NDUFA5: variants seen among roughly 807,000 people sequenced by gnomAD.
NDUFA5 encodes NADH dehydrogenase [ubiquinone] 1 alpha subcomplex subunit 5.
In NDUFA5, 11 loss-of-function variants were observed where a neutral mutation model predicts 19.8. The observed-to-expected ratio is 0.56, with a 90% CI of 0.35 to 0.92. NDUFA5 has a LOEUF of 0.92. Ranked by LOEUF, NDUFA5 falls within the 40% of genes least tolerant of loss-of-function variation. The pLI, the probability that NDUFA5 is intolerant of heterozygous loss-of-function variation, is 0.01. For missense variants in NDUFA5, 109 were observed against 134.2 expected (o/e 0.81, Z 0.93); for synonymous variants, 47 against 46.8 (o/e 1.00, Z -0.01).
the NDUFA5 span, among the ~76,000 whole-genome samples, chr7:123,588,515 A>T: frequency 1.4e-5 from 2 of 147,204 alleles, no homozygotes; most frequent in East Asian, 2.0e-4. Flanking sequence ...TTTTGCTCTG[A>T]TTTTCCTTTC....
At chr7:123,555,995 G>A (rs990672077) in intron 2 of NDUFA5, 1 of 152,232 alleles carries the variant, frequency 6.6e-6, no homozygotes, top group African/African-American at 2.4e-5. Flanking sequence ...ATCCACATCA[G>A]TGATGATGGT....
At chr7:123,572,007 C>G in the NDUFA5 span, among the ~76,000 whole-genome samples, 1 of 151,772 alleles carries the variant, frequency 6.6e-6, no homozygotes, top group African/African-American at 2.4e-5. Context: ...AGGCTAGTCT[C>G]AAATTCCTGG....
At chr7:123,546,961 C>T in intron 3 of NDUFA5, 2 of 361,830 alleles carry the variant, frequency 5.5e-6, no homozygotes, top group South Asian at 4.2e-5. Context: ...TAGTCCCTAA[C>T]TGCAATTATA....
the NDUFA5 span, among the ~76,000 whole-genome samples, chr7:123,565,417 A>G: frequency 1.3e-5 from 2 of 151,988 alleles, no homozygotes; most frequent in Non-Finnish European, 2.9e-5. Context: ...ACACACACAC[A>G]CACACACACA....
the NDUFA5 span, among the ~76,000 whole-genome samples, chr7:123,572,555 G>A: frequency 1.3e-5 from 2 of 151,608 alleles, no homozygotes; most frequent in Non-Finnish European, 2.9e-5. Context: ...AAAGATTGAT[G>A]TATCTTCTTG....
chr7:123,571,439 C>A, the NDUFA5 span, among the ~76,000 whole-genome samples: 44 of 152,134 alleles, frequency 2.9e-4, no homozygotes, highest in Non-Finnish European at 5.6e-4. Flanking sequence ...TCATTAATCA[C>A]CCTGTGAAAG....
chr7:123,601,249 T>C, the NDUFA5 span, among the ~76,000 whole-genome samples: 1 of 152,222 alleles, frequency 6.6e-6, no homozygotes, highest in Non-Finnish European at 1.5e-5. Flanking sequence ...TTTTTTTGCT[T>C]GTTTTATTAA....
At chr7:123,583,599 C>T in the NDUFA5 span, among the ~76,000 whole-genome samples, 6 of 151,930 alleles carry the variant, frequency 3.9e-5, no homozygotes, top group South Asian at 1.2e-3. Context: ...TTTGATAAAT[C>T]AACAACCCTT....
At chr7:123,572,596 C>A in the NDUFA5 span, among the ~76,000 whole-genome samples, 35 of 151,444 alleles carry the variant, frequency 2.3e-4, no homozygotes, top group Admixed American at 1.3e-4. Flanking sequence ...TATAATTTTT[C>A]TTTCCTTTCC....
intron 2 of NDUFA5, chr7:123,551,628 A>G (rs1445917832): frequency 2.3e-5 from 10 of 432,272 alleles, no homozygotes; most frequent in Non-Finnish European, 2.8e-5. Flanking sequence ...AAATTTAACT[A>G]AATACGGTCA....
At chr7:123,546,039 C>T (rs546116564) in intron 3 of NDUFA5, among the ~76,000 whole-genome samples, 1 of 152,198 alleles carries the variant, frequency 6.6e-6, no homozygotes, top group South Asian at 2.1e-4. Flanking sequence ...AGAAATTACA[C>T]TTCTAGGCAT....
At chr7:123,601,538 T>C in the NDUFA5 span, among the ~76,000 whole-genome samples, 11 of 152,216 alleles carry the variant, frequency 7.2e-5, no homozygotes, top group African/African-American at 2.4e-4. Flanking sequence ...ATTTGTCTCT[T>C]GAACAAATAC....
chr7:123,538,984 T>C lies in NDUFA5; in HGVS notation c.*3135A>G, dbSNP rs1797837236. On this transcript the variant is annotated 3_prime_UTR_variant, in exon 5 of 5. Transcript: ENST00000355749. ...CTGAATGTGATTAGAAAATTGACAA[T>C]AAAATATAAGCTCTCTTTTCTTCCA... The C allele has an allele frequency of 6.6e-6, 1 of 152,168 alleles. No individual in the cohort carries two copies. The highest frequency in any genetic ancestry group is 1.5e-5 in the Non-Finnish European group (1 of 68,020). The allele number at this position is 152,168 out of a possible 1,614,324, so 9.4% of individuals were successfully genotyped here. A position where few individuals can be genotyped will look rare whatever the true frequency, so the allele number is the denominator to read the frequency against.
chr7:123,598,165 C>T, the NDUFA5 span, among the ~76,000 whole-genome samples: 2 of 152,084 alleles, frequency 1.3e-5, no homozygotes, highest in Non-Finnish European at 2.9e-5. Context: ...AATGGTTTCC[C>T]TCATGTCCAT....
chr7:123,599,890 C>A, the NDUFA5 span, among the ~76,000 whole-genome samples: 1 of 152,170 alleles, frequency 6.6e-6, no homozygotes. Flanking sequence ...CTCATTCTCA[C>A]CAGACAAAAC....
the NDUFA5 span, among the ~76,000 whole-genome samples, chr7:123,599,317 A>G: frequency 6.6e-6 from 1 of 152,250 alleles, no homozygotes; most frequent in South Asian, 2.1e-4. Context: ...GGACTCCCCA[A>G]GGTGTTTGAA....
the NDUFA5 span, among the ~76,000 whole-genome samples, chr7:123,592,810 A>G: frequency 2.3e-4 from 35 of 151,428 alleles, no homozygotes; most frequent in South Asian, 7.1e-3. Flanking sequence ...TCTGAATTCA[A>G]GTCCTGGATA....
At chr7:123,593,086 T>C in the NDUFA5 span, among the ~76,000 whole-genome samples, 1 of 152,186 alleles carries the variant, frequency 6.6e-6, no homozygotes, top group Non-Finnish European at 1.5e-5. Flanking sequence ...GAGACCAGGA[T>C]TGCAGCCCCT....
the NDUFA5 span, among the ~76,000 whole-genome samples, chr7:123,590,089 C>T: frequency 6.6e-6 from 1 of 152,034 alleles, no homozygotes; most frequent in African/African-American, 2.4e-5. Flanking sequence ...AGCATTTCTT[C>T]ATGTGTTTTT....
Sources: gnomAD v4.1 joint callset for allele counts (sites outside exome capture counted in the v4.1 genomes callset) on GRCh38, gnomAD v4.1.1 for gene constraint, MANE v1.5 for transcripts, NCBI Gene and HGNC (gene_info 2026-07-23, HGNC 2026-07-21) for gene names.